The following SLC5A4 variants were observed in gnomAD, a reference collection of about 807,000 sequenced individuals.
SLC5A4 encodes the protein probable glucose sensor protein SLC5A4.
Under a neutral mutation model 70.3 loss-of-function variants are expected in SLC5A4, and 55 were observed. The observed-to-expected ratio is 0.78, with a 90% CI of 0.63 to 0.98. The LOEUF is 0.98. Among genes scored for constraint, SLC5A4 ranks in the 50% least tolerant of loss-of-function variants. The pLI is 0.00. For synonymous variants in SLC5A4, 268 were observed against 305.7 expected, an observed-to-expected ratio of 0.88 and a Z score of 1.29; for missense variants, 735 against 839.2, an observed-to-expected ratio of 0.88 and a Z score of 1.53.
chr22:32,265,058 A>G, the SLC5A4 span, among the ~76,000 whole-genome samples: 1 of 152,226 alleles, frequency 6.6e-6, no homozygotes, highest in Non-Finnish European at 1.5e-5. Flanking sequence ...GATGTACTAC[A>G]ACTCAGATAT....
intron 3 of SLC5A4, among the ~76,000 whole-genome samples, chr22:32,249,896 A>G (rs573846125): frequency 9.9e-5 from 15 of 151,380 alleles, no homozygotes; most frequent in Admixed American, 4.6e-4. Flanking sequence ...AAAAATAATA[A>G]GGTTTTTTGG....
the SLC5A4 span, among the ~76,000 whole-genome samples, chr22:32,274,261 C>T: frequency 6.6e-6 from 1 of 151,982 alleles, no homozygotes; most frequent in African/African-American, 2.4e-5. Context: ...AGGATGGTCT[C>T]GATCTCCTGA....
the SLC5A4 span, among the ~76,000 whole-genome samples, chr22:32,311,330 C>G: frequency 6.6e-6 from 1 of 151,976 alleles, no homozygotes; most frequent in Admixed American, 6.5e-5. Flanking sequence ...AATGAGGAAA[C>G]TGGGTCAGAG....
the SLC5A4 span, among the ~76,000 whole-genome samples, chr22:32,351,971 G>A: frequency 6.6e-6 from 1 of 151,696 alleles, no homozygotes; most frequent in Non-Finnish European, 1.5e-5. Flanking sequence ...AAAAGAAAAA[G>A]AACAGGTAAG....
At chr22:32,273,088 A>ATGGCGTCAC in the SLC5A4 span, 1 of 496,398 alleles carries the variant, frequency 2.0e-6, no homozygotes, top group Admixed American at 2.3e-5. Flanking sequence ...CTGGAGACAG[A>ATGGCGTCAC]TGGCGTCACT....
the SLC5A4 span, among the ~76,000 whole-genome samples, chr22:32,300,279 T>G: frequency 1.6e-5 from 2 of 123,072 alleles, no homozygotes; most frequent in African/African-American, 5.9e-5. Context: ...CAGTTTGATC[T>G]CAGACTGCTG....
the SLC5A4 span, among the ~76,000 whole-genome samples, chr22:32,351,500 A>C: frequency 0.065 from 9,875 of 150,924 alleles, 399 homozygotes; most frequent in Admixed American, 0.11. Flanking sequence ...TCAGGAGTTC[A>C]ATACCAGCCT....
the SLC5A4 span, among the ~76,000 whole-genome samples, chr22:32,312,105 G>A: frequency 6.6e-6 from 1 of 152,132 alleles, no homozygotes; most frequent in Non-Finnish European, 1.5e-5. Context: ...TGGTCAGCCT[G>A]AGATGCGTCC....
chr22:32,303,492 C>T, the SLC5A4 span, among the ~76,000 whole-genome samples: 1 of 152,196 alleles, frequency 6.6e-6, no homozygotes, highest in African/African-American at 2.4e-5. Flanking sequence ...TGGCATTTGT[C>T]TCATGTGAGC....
chr22:32,303,106 C>T, the SLC5A4 span, among the ~76,000 whole-genome samples: 276 of 152,164 alleles, frequency 1.8e-3, 1 homozygote, highest in African/African-American at 6.5e-3. Context: ...TGAGACAGAT[C>T]TCAATCAATT....
At chr22:32,252,098 T>C (rs991722114) in intron 2 of SLC5A4, among the ~76,000 whole-genome samples, 2 of 151,698 alleles carry the variant, frequency 1.3e-5, no homozygotes, top group East Asian at 1.9e-4. Context: ...GGCGTGGTGG[T>C]GGGCGCCTGT....
the SLC5A4 span, among the ~76,000 whole-genome samples, chr22:32,274,029 A>G: frequency 4.7e-5 from 7 of 150,138 alleles, no homozygotes; most frequent in Admixed American, 4.7e-4. Flanking sequence ...GCATGTTAAC[A>G]TTTGATATTC....
chr22:32,327,011 T>C, the SLC5A4 span, among the ~76,000 whole-genome samples: 1 of 152,328 alleles, frequency 6.6e-6, no homozygotes, highest in East Asian at 1.9e-4. Context: ...GAGGTGTTCA[T>C]GAGTCTCCTT....
At chr22:32,241,839 C>CTGTG (rs750938000) in intron 5 of SLC5A4, among the ~76,000 whole-genome samples, 6,070 of 114,128 alleles carry the variant, frequency 0.053, 195 homozygotes, top group Middle Eastern at 0.1. Flanking sequence ...ATATATATAT[C>CTGTG]TGTGTGTGTG....
At chr22:32,270,581 T>C in the SLC5A4 span, 3 of 729,770 alleles carry the variant, frequency 4.1e-6, no homozygotes, top group African/African-American at 3.5e-5. Flanking sequence ...CAGGAGATCA[T>C]GGAGCTGGAC....
At chr22:32,302,396 T>C in the SLC5A4 span, among the ~76,000 whole-genome samples, 3 of 152,324 alleles carry the variant, frequency 2.0e-5, no homozygotes, top group East Asian at 1.9e-4. Flanking sequence ...GTCCAATTAA[T>C]CAATTTTTAT....
chr22:32,277,603 A>C, the SLC5A4 span, among the ~76,000 whole-genome samples: 1 of 152,164 alleles, frequency 6.6e-6, no homozygotes, highest in Non-Finnish European at 1.5e-5. Context: ...GCTGCAGTGC[A>C]GTGGCGCCAT....
chr22:32,274,853 T>C, the SLC5A4 span, among the ~76,000 whole-genome samples: 1 of 152,250 alleles, frequency 6.6e-6, no homozygotes, highest in Non-Finnish European at 1.5e-5. Flanking sequence ...ACACTATTTT[T>C]CCAATGATTT....
the SLC5A4 span, among the ~76,000 whole-genome samples, chr22:32,283,634 T>G: frequency 4.6e-5 from 7 of 152,204 alleles, no homozygotes; most frequent in African/African-American, 1.4e-4. Context: ...TTACATAGTA[T>G]TTTGTAATAA....
Sources: gnomAD v4.1 joint callset for allele counts (sites outside exome capture counted in the v4.1 genomes callset) on GRCh38, gnomAD v4.1.1 for gene constraint, MANE v1.5 for transcripts, NCBI Gene and HGNC (gene_info 2026-07-23, HGNC 2026-07-21) for gene names.